The following EDA variants were observed in gnomAD, a reference collection of about 807,000 sequenced individuals.
EDA encodes the protein ectodysplasin A.
EDA carries 2 observed loss-of-function variants against 23.6 expected under a neutral mutation model. That is an observed-to-expected ratio of 0.08 (90% CI 0.03 to 0.27). The LOEUF is 0.27. Ranked by LOEUF, EDA falls within the 10% of genes least tolerant of loss-of-function variation. The probability of loss-of-function intolerance (pLI) is 1.00; values close to 1 mark genes in which losing one functional copy is unlikely to be tolerated. For synonymous variants in EDA, 131 were observed against 132.0 expected, an observed-to-expected ratio of 0.99 and a Z score of 0.05; for missense variants, 229 against 324.2, an observed-to-expected ratio of 0.71 and a Z score of 2.26.
chrX:69,978,113 A>G (rs1376219040), intron 2 of EDA, among the ~76,000 whole-genome samples: 1 of 109,343 alleles, frequency 9.1e-6, no homozygotes, highest in Non-Finnish European at 1.9e-5. Context: ...CAGCTTTTAG[A>G]CACAGATGTG....
At chrX:69,945,568 C>A (rs1156784314) in intron 1 of EDA, among the ~76,000 whole-genome samples, 6 of 112,065 alleles carry the variant, frequency 5.4e-5, no homozygotes, top group Non-Finnish European at 1.1e-4. Context: ...GGAAAGATAT[C>A]TTTAGTCCCT....
intron 1 of EDA, among the ~76,000 whole-genome samples, chrX:69,709,951 G>A (rs2011909019): frequency 9.0e-6 from 1 of 111,593 alleles, no homozygotes; most frequent in Non-Finnish European, 1.9e-5. Context: ...TAGGTTGCCT[G>A]TTCACTCTAA....
intron 1 of EDA, among the ~76,000 whole-genome samples, chrX:69,655,760 ATC>A (rs1221522646): frequency 2.8e-5 from 2 of 72,266 alleles, no homozygotes; most frequent in African/African-American, 1.4e-4. Context: ...CATCATTAGA[ATC>A]TATATATATA....
intron 1 of EDA, among the ~76,000 whole-genome samples, chrX:69,946,053 G>A (rs2018829079): frequency 8.9e-6 from 1 of 111,966 alleles, no homozygotes. Flanking sequence ...CAGTGGCTTT[G>A]CTGGTCTCGT....
intron 1 of EDA, among the ~76,000 whole-genome samples, chrX:69,661,704 A>G (rs1690112408): frequency 9.0e-6 from 1 of 111,007 alleles, no homozygotes; most frequent in Non-Finnish European, 1.9e-5. Flanking sequence ...CCCTTGGTCT[A>G]TATCTCTGTT....
intron 2 of EDA, among the ~76,000 whole-genome samples, chrX:70,007,117 A>G (rs989227375): frequency 3.8e-4 from 43 of 112,138 alleles, no homozygotes; most frequent in African/African-American, 1.4e-3. Context: ...CACAAATACC[A>G]CTGTCTTGAT....
chrX:69,926,281 G>A (rs1679780941), intron 1 of EDA, among the ~76,000 whole-genome samples: 1 of 111,154 alleles, frequency 9.0e-6, no homozygotes, highest in African/African-American at 3.3e-5. Context: ...CTAGCTTTCT[G>A]ATGTTGGCAT....
intron 1 of EDA, among the ~76,000 whole-genome samples, chrX:69,654,893 C>A (rs1933250554): frequency 9.2e-6 from 1 of 108,731 alleles, no homozygotes; most frequent in Non-Finnish European, 1.9e-5. Context: ...CACATGTATA[C>A]ATGTGTAACA....
At chrX:69,915,459 C>T (rs907305042) in intron 1 of EDA, among the ~76,000 whole-genome samples, 4 of 110,117 alleles carry the variant, frequency 3.6e-5, no homozygotes, top group South Asian at 4.0e-4. Context: ...CAAAATTAGC[C>T]GGGTGTGGTG....
At chrX:69,693,355 G>C (rs1361862650) in intron 1 of EDA, among the ~76,000 whole-genome samples, 1 of 111,487 alleles carries the variant, frequency 9.0e-6, no homozygotes, top group Non-Finnish European at 1.9e-5. Context: ...CCAGAGAATG[G>C]TTTAGGTGAG....
intron 1 of EDA, among the ~76,000 whole-genome samples, chrX:69,858,569 A>G (rs778348906): frequency 1.8e-5 from 2 of 112,139 alleles, no homozygotes; most frequent in Non-Finnish European, 3.8e-5. Flanking sequence ...CTTGCATCCC[A>G]GGGATAAAGT....
At chrX:69,759,083 T>A (rs1381843319) in intron 1 of EDA, among the ~76,000 whole-genome samples, 1 of 112,630 alleles carries the variant, frequency 8.9e-6, no homozygotes, top group African/African-American at 3.2e-5. Context: ...TATTATTCAG[T>A]AATTCTGTAT....
intron 1 of EDA, among the ~76,000 whole-genome samples, chrX:69,793,578 T>TTG (rs1212991423): frequency 9.8e-6 from 1 of 101,967 alleles, no homozygotes; most frequent in Non-Finnish European, 2.0e-5. Flanking sequence ...TTGTTTTTTT[T>TTG]TTTTTTTTTT....
intron 1 of EDA, among the ~76,000 whole-genome samples, chrX:69,882,404 C>T (rs779119558): frequency 5.4e-5 from 6 of 111,971 alleles, no homozygotes; most frequent in African/African-American, 1.3e-4. Flanking sequence ...ACACCAGCAC[C>T]CAGTGTGCAT....
intron 1 of EDA, among the ~76,000 whole-genome samples, chrX:69,826,048 A>G (rs1234225720): frequency 5.5e-5 from 6 of 109,105 alleles, no homozygotes; most frequent in Non-Finnish European, 9.5e-5. Context: ...GTTTGATTGC[A>G]CTGTGGTCTG....
intron 1 of EDA, among the ~76,000 whole-genome samples, chrX:69,664,776 C>T (rs1043837296): frequency 1.3e-4 from 14 of 111,513 alleles, no homozygotes; most frequent in Admixed American, 6.7e-4. Flanking sequence ...AATGCTGCAG[C>T]GAACATGAGA....
chrX:69,872,471 A>G (rs758388689), intron 1 of EDA, among the ~76,000 whole-genome samples: 1 of 112,150 alleles, frequency 8.9e-6, no homozygotes, highest in South Asian at 3.7e-4. Flanking sequence ...ATGGATAAGA[A>G]TTCACCAACC....
intron 1 of EDA, among the ~76,000 whole-genome samples, chrX:69,922,623 CTT>C (rs1424798561): frequency 8.9e-6 from 1 of 112,138 alleles, no homozygotes; most frequent in Non-Finnish European, 1.9e-5. Context: ...CTAATTCTCT[CTT>C]TGTTAGAATT....
chrX:69,621,411 A>G (rs1166931578), intron 1 of EDA, among the ~76,000 whole-genome samples: 2 of 112,016 alleles, frequency 1.8e-5, no homozygotes, highest in African/African-American at 6.5e-5. Flanking sequence ...GTACAATTTG[A>G]TGAATCATTA....
Sources: gnomAD v4.1 joint callset for allele counts (sites outside exome capture counted in the v4.1 genomes callset) on GRCh38, gnomAD v4.1.1 for gene constraint, MANE v1.5 for transcripts, NCBI Gene and HGNC (gene_info 2026-07-23, HGNC 2026-07-21) for gene names.